DCAF6: variants seen among roughly 807,000 people sequenced by gnomAD.
DCAF6 encodes the protein DDB1 and CUL4 associated factor 6.
Under a neutral mutation model 125.1 loss-of-function variants are expected in DCAF6, and 54 were observed. That is an observed-to-expected ratio of 0.43 (90% CI 0.35 to 0.54). DCAF6 has a LOEUF of 0.54. Ranked by LOEUF, DCAF6 falls within the 20% of genes least tolerant of loss-of-function variation. DCAF6 has a pLI of 0.01. For missense variants in DCAF6, 934 were observed against 1,161.7 expected, an observed-to-expected ratio of 0.80 and a Z score of 2.85; for synonymous variants, 371 against 390.4, an observed-to-expected ratio of 0.95 and a Z score of 0.58.
At chr1:167,913,811 C>G in the DCAF6 span, among the ~76,000 whole-genome samples, 6 of 152,212 alleles carry the variant, frequency 3.9e-5, no homozygotes, top group African/African-American at 1.2e-4. Context: ...CTTCAAGCTT[C>G]TAAGCTCATG....
intron 4 of DCAF6, among the ~76,000 whole-genome samples, chr1:167,986,956 A>T (rs1321296873): frequency 8.5e-5 from 13 of 152,208 alleles, no homozygotes; most frequent in Admixed American, 8.5e-4. Context: ...AAAGTTTGAC[A>T]TTTAAACTAT....
At chr1:168,037,131 T>G (rs1687929251) in intron 12 of DCAF6, among the ~76,000 whole-genome samples, 2 of 142,116 alleles carry the variant, frequency 1.4e-5, no homozygotes, top group Non-Finnish European at 3.0e-5. Context: ...TGAGATGAGG[T>G]CTCACCCAGA....
chr1:167,970,594 C>T (rs1286994054), intron 3 of DCAF6, among the ~76,000 whole-genome samples: 1 of 151,740 alleles, frequency 6.6e-6, no homozygotes, highest in Non-Finnish European at 1.5e-5. Flanking sequence ...CACTACACTC[C>T]AAGTCTGGAT....
the DCAF6 span, chr1:167,878,458 C>T: frequency 4.6e-4 from 749 of 1,613,864 alleles, 4 homozygotes; most frequent in African/African-American, 8.6e-3. Flanking sequence ...TTTCTCAGTA[C>T]GGCCCCAATA....
At chr1:168,019,528 CTT>C (rs952553578) in intron 11 of DCAF6, 3 of 455,590 alleles carry the variant, frequency 6.6e-6, no homozygotes, top group Non-Finnish European at 1.3e-5. Context: ...AAGCCCAACT[CTT>C]TTTTTCCATT....
chr1:167,980,487 AT>A (rs1202044868), intron 4 of DCAF6, among the ~76,000 whole-genome samples: 5 of 151,012 alleles, frequency 3.3e-5, no homozygotes, highest in Admixed American at 6.6e-5. Flanking sequence ...AACACTTACA[AT>A]TTTTTTTTAG....
At chr1:167,936,192 AT>A (rs1323785683), upstream of DCAF6, 1 of 268,906 alleles carries the variant, frequency 3.7e-6, no homozygotes, top group Non-Finnish European at 7.2e-6. Context: ...GCCCGCCATG[AT>A]TGGCCCGCCC....
rs753711637 is a variant in DCAF6 at position 167,974,836 on chromosome 1, A to G, written c.259A>G (p.Thr87Ala). Residue 87 changes from threonine to alanine, a missense_variant, in exon 4 of 22, where the codon ACA becomes GCA. Around this residue, in one of 5 missense-constraint regions of DCAF6, gnomAD observed 309 missense variants for 381.2 expected, o/e 0.81. Transcript: ENST00000367840. ...ISNPYSRKVL[T>A]TIRSGHRANI... is the part of the protein sequence containing the mutation. The stretch of plus-strand genomic sequence containing the variant: ...CTTTCTTTGTGTGTTTTAGGTTTTG[A>G]CAACAATTCGTTCAGGGCACCGAGC... The G allele has an allele frequency of 1.7e-5, 26 of 1,527,038 alleles. No homozygotes were observed. The highest frequency in any genetic ancestry group is 2.3e-5 in the Non-Finnish European group (26 of 1,138,306). The allele number at this position is 1,527,038 out of a possible 1,614,324, so 94.6% of individuals were successfully genotyped here. A position where few individuals can be genotyped will look rare whatever the true frequency, so the allele number is the denominator to read the frequency against.
intron 13 of DCAF6, among the ~76,000 whole-genome samples, chr1:168,039,656 T>A (rs1050870472): frequency 5.0e-4 from 74 of 147,658 alleles, no homozygotes; most frequent in African/African-American, 1.6e-3. Context: ...ATATATTAAT[T>A]ATTCATAATT....
chr1:167,997,096 C>A (rs1681833370), intron 7 of DCAF6, among the ~76,000 whole-genome samples: 1 of 152,060 alleles, frequency 6.6e-6, no homozygotes, highest in Non-Finnish European at 1.5e-5. Context: ...TAGTACCTGA[C>A]ATATAAAAGG....
At chr1:168,042,978 TATTG>T (rs764258202) in intron 13 of DCAF6, 43 bp from the exon 14 acceptor site, 17 of 1,382,546 alleles carry the variant, frequency 1.2e-5, no homozygotes, top group Non-Finnish European at 1.7e-5. Flanking sequence ...TAAAAGATCA[TATTG>T]ATTAACTTCT....
At chr1:168,049,961 A>T (rs1403656325) in intron 16 of DCAF6, among the ~76,000 whole-genome samples, 5 of 139,816 alleles carry the variant, frequency 3.6e-5, no homozygotes, top group Non-Finnish European at 6.3e-5. Context: ...AGGCTGTATA[A>T]TTTTTTTTTT....
intron 12 of DCAF6, among the ~76,000 whole-genome samples, chr1:168,024,804 CAAAAA>C (rs76178208): frequency 4.0e-5 from 3 of 74,926 alleles, no homozygotes; most frequent in Admixed American, 1.6e-4. Context: ...ACTCTGTATC[CAAAAA>C]AAAAAAAAAA....
At position 168,009,119 on chromosome 1, in the gene DCAF6, C is replaced by T. The variant is rs933226645; in HGVS notation, c.1378+4326C>T. Among the ~76,000 whole-genome samples the T allele has an allele frequency of 2.0e-5, 3 of 151,418 alleles. No homozygotes were observed. In the East Asian group the frequency reaches 5.9e-4, roughly 30 times the overall value. On this transcript the variant is annotated intron_variant, in intron 10 of 21. Coordinates refer to ENST00000367840, the MANE Select transcript of DCAF6 (RefSeq NM_001198956.2). Reference sequence around the variant, plus strand: ...GTTCACGCCATTCTCCTGCCTCAGCCTCCCAAGTAGCTGGGACTACAGGCG... The same window carrying T: ...GTTCACGCCATTCTCCTGCCTCAGCTTCCCAAGTAGCTGGGACTACAGGCG...
At chr1:167,909,042 T>C in the DCAF6 span, among the ~76,000 whole-genome samples, 1 of 152,164 alleles carries the variant, frequency 6.6e-6, no homozygotes, top group African/African-American at 2.4e-5. Context: ...TTTCCAGAAG[T>C]TTTTCTCATG....
In DCAF6 at chr1:168,004,705, C is replaced by G; in HGVS notation, c.1290C>G (p.Ser430Arg). Reference protein sequence around the residue: ...QAHSTSSPTESPHSTPLLSSP... With the variant: ...QAHSTSSPTERPHSTPLLSSP... Reference sequence around the variant, plus strand: ...ATTCGACATCATCTCCCACAGAAAGCCCTCATTCTACTCCTTTGCTATCTT... The same window carrying G: ...ATTCGACATCATCTCCCACAGAAAGGCCTCATTCTACTCCTTTGCTATCTT... The change falls in exon 10 of 22, where the codon AGC becomes AGG. Residue 430 changes from serine (S) to arginine (R), a missense_variant. Ser to Arg is a moderately radical substitution (Grantham distance 110). Coordinates refer to ENST00000367840, the MANE Select transcript of DCAF6 (RefSeq NM_001198956.2). 1 of 1,614,028 alleles carries G rather than the reference C, an allele frequency of 6.2e-7. No homozygotes were observed. The highest frequency in any genetic ancestry group is 8.5e-7 in the Non-Finnish European group (1 of 1,179,936).
the DCAF6 span, chr1:167,917,988 A>G: frequency 5.2e-6 from 1 of 193,356 alleles, no homozygotes; most frequent in Admixed American, 5.7e-5. Context: ...TAAGCAGATA[A>G]TTTAATCTTC....
At chr1:167,983,872 G>C (rs1679556703) in intron 4 of DCAF6, among the ~76,000 whole-genome samples, 1 of 152,176 alleles carries the variant, frequency 6.6e-6, no homozygotes, top group Non-Finnish European at 1.5e-5. Context: ...TCAGATTCAT[G>C]TAAGTCCTTA....
intron 12 of DCAF6, among the ~76,000 whole-genome samples, chr1:168,036,821 G>A (rs1402042015): frequency 6.6e-6 from 1 of 152,144 alleles, no homozygotes; most frequent in Admixed American, 6.5e-5. Context: ...TTATTTCCAG[G>A]AGTTGTTTAA....
Sources: allele counts gnomAD v4.1 joint callset (sites outside exome capture counted in the v4.1 genomes callset), GRCh38; gene constraint gnomAD v4.1.1; regional missense constraint gnomAD v4.1.1; transcripts MANE v1.5; gene names NCBI Gene and HGNC (gene_info 2026-07-23, HGNC 2026-07-21).